Variants in PAWR observed in about 807,000 individuals in gnomAD.
PAWR encodes PRKC apoptosis WT1 regulator protein.
PAWR carries 23 observed loss-of-function variants against 32.0 expected under a neutral mutation model. The ratio of observed to expected loss-of-function variants is 0.72; its 90% confidence interval spans 0.52 to 1.02. The LOEUF (loss-of-function observed/expected upper bound fraction) is 1.02, where lower values mean the gene tolerates loss of function less well. PAWR is among the 50% of genes least tolerant of loss of function. PAWR has a pLI of 0.00. For synonymous variants in PAWR, 226 were observed against 187.1 expected (o/e 1.21, Z -1.70); for missense variants, 457 against 437.7 (o/e 1.04, Z -0.39).
chr12:79,688,062 C>A, intron 2 of PAWR, among the ~76,000 whole-genome samples: 1 of 151,960 alleles, frequency 6.6e-6, no homozygotes, highest in Non-Finnish European at 1.5e-5. Context: ...TGCCAACACC[C>A]AAACGAAAAA....
At chr12:79,609,428 C>A (rs2136692751) in intron 4 of PAWR, among the ~76,000 whole-genome samples, 1 of 152,140 alleles carries the variant, frequency 6.6e-6, no homozygotes, top group East Asian at 1.9e-4. Context: ...AGGGTCCCAC[C>A]CTCAATCCTT....
intron 5 of PAWR, 39 bp downstream of exon 5, chr12:79,596,472 T>C: frequency 1.0e-6 from 1 of 993,280 alleles, no homozygotes; most frequent in South Asian, 1.7e-5. Flanking sequence ...TCTAATGGTA[T>C]ATTAATTTTA....
At chr12:79,643,791 C>T (rs1175607931) in intron 2 of PAWR, among the ~76,000 whole-genome samples, 1 of 152,050 alleles carries the variant, frequency 6.6e-6, no homozygotes, top group African/African-American at 2.4e-5. Flanking sequence ...CAAACACTTA[C>T]CTGCTATTTT....
chr12:79,659,911 G>A (rs1277718408), intron 2 of PAWR, among the ~76,000 whole-genome samples: 1 of 152,076 alleles, frequency 6.6e-6, no homozygotes, highest in African/African-American at 2.4e-5. Context: ...GATTAAAGGG[G>A]GTGGGGAAAG....
intron 2 of PAWR, among the ~76,000 whole-genome samples, chr12:79,639,833 CATTCCTATTCCTATTCCT>C (rs200677061): frequency 0.12 from 14,648 of 125,764 alleles, 1,065 homozygotes; most frequent in Non-Finnish European, 0.12. Flanking sequence ...TTTCCTTTTC[CATTCCTATTCCTATTCCT>C]ATTCCTATTC....
chr12:79,607,745 A>T (rs969746229), intron 4 of PAWR, among the ~76,000 whole-genome samples: 33 of 138,738 alleles, frequency 2.4e-4, no homozygotes, highest in South Asian at 1.1e-3. Context: ...AAAAAAAAAA[A>T]TAATAATAAT....
intron 5 of PAWR, among the ~76,000 whole-genome samples, chr12:79,594,700 C>CGTGTGTGTGTGTGTGTGT (rs34121968): frequency 6.7e-6 from 1 of 148,486 alleles, no homozygotes; most frequent in African/African-American, 2.4e-5. Context: ...GATTTAACCT[C>CGTGTGTGTGTGTGTGTGT]GTGTGTGTGT....
intron 2 of PAWR, among the ~76,000 whole-genome samples, chr12:79,673,305 G>A (rs811596): frequency 1.9e-3 from 288 of 152,196 alleles, no homozygotes; most frequent in Non-Finnish European, 3.1e-3. Context: ...TCCTGACCTC[G>A]TGATCTGCCC....
chr12:79,689,981 GC>G lies in PAWR; in HGVS notation c.263del (p.Gly88AlafsTer2). On this transcript the variant is annotated frameshift_variant, in exon 2 of 7. Transcript: ENST00000328827. LOFTEE classifies it high-confidence loss of function. ...PAAPAVPGPG[G>X]VNCAVGSAML... ...TGGCGGAGCCGACCGCGCAGTTCAC[GC>G]CCCCGGGACCGGGGACGGCAGGTGC... The G allele has an allele frequency of 7.5e-7, 1 of 1,338,108 alleles. No homozygotes were observed. Among genetic ancestry groups the G allele is most frequent in the Non-Finnish European group, 9.5e-7 (1 of 1,051,376 alleles). 82.9% of individuals were successfully genotyped at this position (1,338,108 alleles called of 1,614,324 possible). A position where few individuals can be genotyped will look rare whatever the true frequency, so the allele number is the denominator to read the frequency against.
intron 4 of PAWR, among the ~76,000 whole-genome samples, chr12:79,610,023 T>G (rs915094529): frequency 6.6e-6 from 1 of 152,168 alleles, no homozygotes; most frequent in Non-Finnish European, 1.5e-5. Context: ...TGCTCACCTG[T>G]GCTCCCCCTC....
Position 79,585,315 on chromosome 12 carries a change from T to C in PAWR, c.*7292A>G. ...ACATGAAGCGCTTGTTAAAACAGAT[T>C]GAGCCCCATCTGCAAAGTTTGTGAC... On this transcript the variant is annotated 3_prime_UTR_variant, in exon 7 of 7. Transcript: ENST00000328827. 1 of 255,632 alleles carries C rather than the reference T, an allele frequency of 3.9e-6. No homozygotes were observed. The highest frequency in any genetic ancestry group is 7.7e-6 in the Non-Finnish European group (1 of 130,520). 15.8% of individuals were successfully genotyped at this position (255,632 alleles called of 1,614,324 possible).
At chr12:79,651,263 C>A (rs1224462463) in intron 2 of PAWR, among the ~76,000 whole-genome samples, 1 of 151,418 alleles carries the variant, frequency 6.6e-6, no homozygotes, top group Non-Finnish European at 1.5e-5. Flanking sequence ...TCTAAGTGAC[C>A]GAACAAAAAA....
At chr12:79,599,836 GT>G (rs985548736) in intron 4 of PAWR, among the ~76,000 whole-genome samples, 3 of 151,882 alleles carry the variant, frequency 2.0e-5, no homozygotes, top group African/African-American at 4.8e-5. Flanking sequence ...TTTGTATGCA[GT>G]TTTTTTTAAT....
chr12:79,679,596 T>C (rs1205381721), intron 2 of PAWR, among the ~76,000 whole-genome samples: 6 of 152,112 alleles, frequency 3.9e-5, no homozygotes, highest in African/African-American at 1.4e-4. Flanking sequence ...GGCTGAGTAT[T>C]TAAGTAAGAG....
At chr12:79,607,364 A>T (rs1236557588) in intron 4 of PAWR, among the ~76,000 whole-genome samples, 2 of 151,772 alleles carry the variant, frequency 1.3e-5, no homozygotes, top group African/African-American at 4.8e-5. Flanking sequence ...GCCCAAGAAG[A>T]CTCTCTTTCT....
intron 1 of PAWR, 93 bp from the exon 2 acceptor site, chr12:79,690,484 T>G: frequency 1.4e-6 from 1 of 704,150 alleles, no homozygotes; most frequent in Non-Finnish European, 2.0e-6. Context: ...CTTGGAGTCC[T>G]CGAGCGCGCC....
At chr12:79,640,862 C>T (rs1876288920) in intron 2 of PAWR, among the ~76,000 whole-genome samples, 1 of 152,090 alleles carries the variant, frequency 6.6e-6, no homozygotes, top group South Asian at 2.1e-4. Flanking sequence ...AAACTATGTC[C>T]TATAATAGTT....
At chr12:79,624,806 T>C (rs1400742486) in intron 2 of PAWR, among the ~76,000 whole-genome samples, 1 of 152,218 alleles carries the variant, frequency 6.6e-6, no homozygotes, top group Non-Finnish European at 1.5e-5. Context: ...TAAATAGATG[T>C]ACCTACCATA....
chr12:79,673,693 T>C (rs971174516), intron 2 of PAWR, among the ~76,000 whole-genome samples: 4 of 152,304 alleles, frequency 2.6e-5, no homozygotes, highest in Admixed American at 1.3e-4. Flanking sequence ...TTGTGAGAAC[T>C]TAAAATAAGA....
Sources: allele counts gnomAD v4.1 joint callset (sites outside exome capture counted in the v4.1 genomes callset), GRCh38; gene constraint gnomAD v4.1.1; transcripts MANE v1.5; gene names NCBI Gene and HGNC (gene_info 2026-07-23, HGNC 2026-07-21).